The following HYLS1 variants were observed in gnomAD, a reference collection of about 807,000 sequenced individuals.
The protein encoded by HYLS1 is centriolar and ciliogenesis-associated protein HYLS1.
HYLS1 carries 25 observed loss-of-function variants against 29.4 expected under a neutral mutation model. The ratio of observed to expected loss-of-function variants is 0.85; its 90% confidence interval spans 0.62 to 1.19. The LOEUF is 1.19. Ranked by LOEUF, HYLS1 falls within the 50% of genes most tolerant of loss-of-function variation. The probability of loss-of-function intolerance (pLI) is 0.00; values close to 1 mark genes in which losing one functional copy is unlikely to be tolerated. For missense variants in HYLS1, 352 were observed against 365.1 expected (o/e 0.96, Z 0.29); for synonymous variants, 128 against 126.7 (o/e 1.01, Z -0.07).
At chr11:125,891,042 A>G (rs551899549) in intron 1 of HYLS1, among the ~76,000 whole-genome samples, 5 of 152,204 alleles carry the variant, frequency 3.3e-5, no homozygotes, top group Non-Finnish European at 5.9e-5. Context: ...AAATTTCACA[A>G]CCTAAATAGT....
At chr11:125,895,312 G>A (rs1288612045) in intron 2 of HYLS1, 2 of 1,614,062 alleles carry the variant, frequency 1.2e-6, no homozygotes, top group African/African-American at 1.3e-5. Flanking sequence ...ATCAGAAAGA[G>A]GATAGCCATC....
intron 2 of HYLS1, chr11:125,894,292 G>A: frequency 6.3e-7 from 1 of 1,579,356 alleles, no homozygotes; most frequent in Non-Finnish European, 8.6e-7. Context: ...CCATACTAGA[G>A]AAAAAGAGAA....
Position 125,899,690 on chromosome 11 carries a change from T to C in HYLS1, c.322T>C (p.Leu108=). ...VLRRKPDGEV[L]VTDESIISES... ...GCGCAGAAAGCCAGATGGGGAAGTA[T>C]TAGTAACAGATGAGTCGATTATCAG... is the stretch of plus-strand genomic sequence containing the variant. Residue 108 remains leucine, a synonymous_variant, in exon 3 of 3, where the codon TTA becomes CTA. Transcript: ENST00000425380. The C allele has an allele frequency of 6.2e-7, 1 of 1,614,196 alleles. No homozygotes were observed. Among genetic ancestry groups the C allele is most frequent in the Non-Finnish European group, 8.5e-7 (1 of 1,180,028 alleles).
intron 2 of HYLS1, chr11:125,895,836 T>C: frequency 6.3e-7 from 1 of 1,580,980 alleles, no homozygotes; most frequent in Non-Finnish European, 8.6e-7. Flanking sequence ...ACAAATAATC[T>C]CAGTACTCAG....
intron 2 of HYLS1, 168 bp from the exon 3 acceptor site, chr11:125,899,176 A>C: frequency 1.7e-6 from 1 of 590,726 alleles, no homozygotes; most frequent in South Asian, 2.1e-5. Flanking sequence ...ATTCCCTAGA[A>C]CTGAGTTAAT....
chr11:125,898,625 C>T (rs1565455905), intron 2 of HYLS1, among the ~76,000 whole-genome samples: 1 of 151,702 alleles, frequency 6.6e-6, no homozygotes, highest in South Asian at 2.1e-4. Flanking sequence ...TGCAATGAGC[C>T]GAGATCATGC....
At chr11:125,894,246 A>G in intron 2 of HYLS1, 1 of 1,612,872 alleles carries the variant, frequency 6.2e-7, no homozygotes, top group Non-Finnish European at 8.5e-7. Context: ...ACATTTTCAA[A>G]CTTACAGTCA....
rs373402359 is a variant in HYLS1, at chr11:125,889,450, G to C, written c.-76+1685G>C. ...AAATTCTGATTCAAAATGCCAAACT[G>C]GGCCGGGCGCGGTGGCTCACACCTG... is the stretch of plus-strand genomic sequence containing the variant. On this transcript the variant is annotated intron_variant, in intron 1 of 2. Transcript: ENST00000425380. 2.0e-5 allele frequency among the ~76,000 whole-genome samples: 3 copies of C among 152,100 alleles called. No individual in the cohort carries two copies. In the East Asian group the frequency reaches 5.8e-4, roughly 29 times the overall value.
rs1402568099 is a variant in HYLS1, at chr11:125,899,880, C to G, written c.512C>G (p.Ser171Cys). 1 of 1,614,066 alleles carries G rather than the reference C, an allele frequency of 6.2e-7. No homozygotes were observed. The highest frequency in any genetic ancestry group is 8.5e-7 in the Non-Finnish European group (1 of 1,180,040). ...QGISQDQLIC[S>C]LQREGMGSPA... ...ATTTCTCAAGATCAGCTCATTTGCTCTCTACAAAGAGAAGGAATGGGCTCT... is the reference window on the plus strand; with the variant it reads ...ATTTCTCAAGATCAGCTCATTTGCTGTCTACAAAGAGAAGGAATGGGCTCT... Residue 171 changes from serine (S) to cysteine (C), a missense_variant, in exon 3 of 3, where the codon TCT (serine) becomes TGT (cysteine). By Grantham distance (112) the Ser-to-Cys change is moderately radical. Coordinates refer to ENST00000425380, the MANE Select transcript of HYLS1 (RefSeq NM_001134793.2).
At chr11:125,887,660 G>C (rs986462807), upstream of HYLS1, 3 of 152,362 alleles carry the variant, frequency 2.0e-5, no homozygotes, top group Non-Finnish European at 4.4e-5. Flanking sequence ...CTCGGCGCGT[G>C]GGCCGGCAGT....
chr11:125,887,654 G>T (rs898605352), upstream of HYLS1: 5 of 152,362 alleles, frequency 3.3e-5, no homozygotes, highest in Non-Finnish European at 7.3e-5. Flanking sequence ...CGCAGGCTCG[G>T]CGCGTGGGCC....
intron 2 of HYLS1, chr11:125,895,192 C>T (rs1186594169): frequency 6.6e-7 from 1 of 1,511,560 alleles, no homozygotes; most frequent in East Asian, 2.3e-5. Flanking sequence ...GGACTACAGG[C>T]ATGTGCCATT....
In HYLS1 at chr11:125,900,097, G is replaced by A. The variant is rs764725785; in HGVS notation, c.729G>A (p.Glu243=). The A allele has an allele frequency of 5.0e-6, 8 of 1,614,054 alleles. No homozygotes were observed. In the African/African-American group the frequency reaches 1.1e-4, roughly 22 times the overall value. The change falls in exon 3 of 3, where the codon GAG becomes GAA. Residue 243 remains glutamate (E), a synonymous_variant. Coordinates refer to ENST00000425380, the MANE Select transcript of HYLS1 (RefSeq NM_001134793.2). ...AGGAATTACGCTGGGGTGTCCGAGA[G>A]CAGATGCTTTGTCGAGCAGAACCCC... ...HRKELRWGVR[E]QMLCRAEPQS... is the part of the protein sequence containing the mutation.
chr11:125,891,817 C>A (rs1359169916), intron 2 of HYLS1, among the ~76,000 whole-genome samples: 2 of 152,186 alleles, frequency 1.3e-5, no homozygotes, highest in Non-Finnish European at 2.9e-5. Context: ...TTTAGTACTA[C>A]AGGGTCACCT....
chr11:125,892,721 C>A (rs2134236643), intron 2 of HYLS1, among the ~76,000 whole-genome samples: 1 of 152,326 alleles, frequency 6.6e-6, no homozygotes, highest in South Asian at 2.1e-4. Context: ...ACTCCAGCAG[C>A]CCCCTAATTG....
intron 1 of HYLS1, chr11:125,888,206 C>T (rs1944343944): frequency 6.6e-6 from 1 of 152,274 alleles, no homozygotes; most frequent in Admixed American, 6.5e-5. Flanking sequence ...CGGAGCGTGT[C>T]TTGTCGCCTT....
In HYLS1 at chr11:125,899,360, G is replaced by T. The variant is rs770219603; in HGVS notation, c.-9G>T. ...CTCTTGCAGAAGGTCCTACAGTGTA[G>T]GGGAAGCAATGGAAGAACTTCTACC... On this transcript the variant is annotated 5_prime_UTR_variant, in exon 3 of 3. In the 5' UTR this introduces an upstream ATG that the reference lacks. Transcript: ENST00000425380. The T allele has an allele frequency of 4.3e-6, 7 of 1,613,714 alleles. No homozygotes were observed. The Admixed American group carries it at 5.0e-5, about 12-fold the overall frequency.
In HYLS1 at chr11:125,899,941, A is replaced by T. The variant is rs1466684882; in HGVS notation, c.573A>T (p.Arg191Ser). 2 of 1,614,212 alleles carry T rather than the reference A, an allele frequency of 1.2e-6. No homozygotes were observed. Among genetic ancestry groups the T allele is most frequent in the Non-Finnish European group, 1.7e-6 (2 of 1,180,046 alleles). The change falls in exon 3 of 3, where the codon AGA becomes AGT. Residue 191 changes from arginine (R) to serine (S), a missense_variant. Transcript: ENST00000425380. ...AACAAGACCTGATTGTTGCCAGCAG[A>T]CCCAAGTCCTTTATTCTCCCAAAGC... is the stretch of plus-strand genomic sequence containing the variant. Reference protein sequence around the residue: ...AYEQDLIVASRPKSFILPKLD... With the variant: ...AYEQDLIVASSPKSFILPKLD...
rs1316945895 is a variant in HYLS1 at position 125,891,962 on chromosome 11, C to T, written c.-26+490C>T. Among the ~76,000 whole-genome samples, 4 of 152,072 alleles carry T rather than the reference C, an allele frequency of 2.6e-5. No individual in the cohort carries two copies. The South Asian group carries it at 6.2e-4, about 24-fold the overall frequency. Reference sequence around the variant, plus strand: ...ATATATTAGTATTGTTTTTAATTGTCCCATGTGTTATTTGCACTAGCAGCT... The same window carrying T: ...ATATATTAGTATTGTTTTTAATTGTTCCATGTGTTATTTGCACTAGCAGCT... On this transcript the variant is annotated intron_variant, in intron 2 of 2. Transcript: ENST00000425380.
Sources: allele counts gnomAD v4.1 joint callset (sites outside exome capture counted in the v4.1 genomes callset), GRCh38; gene constraint gnomAD v4.1.1; transcripts MANE v1.5; gene names NCBI Gene and HGNC (gene_info 2026-07-23, HGNC 2026-07-21).